Variants in KLHL15 observed in about 807,000 individuals in gnomAD.
KLHL15 encodes kelch-like protein 15.
Under a neutral mutation model 29.3 loss-of-function variants are expected in KLHL15, and 1 was observed. The observed-to-expected ratio is 0.03, with a 90% CI of 0.01 to 0.16. The LOEUF is 0.16. Ranked by LOEUF, KLHL15 falls within the 10% of genes least tolerant of loss-of-function variation. KLHL15 has a pLI of 1.00. For missense variants in KLHL15, 215 were observed against 478.5 expected (o/e 0.45, Z 5.14); for synonymous variants, 212 against 184.5 (o/e 1.15, Z -1.21).
chrX:23,988,219 G>A lies in KLHL15; in HGVS notation c.1517C>T (p.Ser506Phe), dbSNP rs1354803960. The change falls in exon 4 of 4, where the codon TCT becomes TTT. Residue 506 changes from serine (S) to phenylalanine (F), a missense_variant. Coordinates refer to ENST00000328046, the MANE Select transcript of KLHL15 (RefSeq NM_030624.3). ...VCVILRASFE[S>F]QGCPSTEVYN... ...TACTTCTGTAGAAGGGCATCCCTGA[G>A]ATTCGAAAGAGGCCCTCAAGATCAC... 8.3e-7 allele frequency: 1 copy of A among 1,211,606 alleles called. No individual in the cohort carries two copies.
chrX:24,007,505 AAAAATAT>A lies in KLHL15; in HGVS notation c.-7-812_-7-806del, dbSNP rs1383822038. On this transcript the variant is annotated intron_variant, in intron 2 of 3. Transcript: ENST00000328046. ...GACCCCATTTCCAAAAAAAAAAAAAAAAAATATATATATATATATATATATATATATC... is the reference window on the plus strand; with the variant it reads ...GACCCCATTTCCAAAAAAAAAAAAAAATATATATATATATATATATATATC... Among the ~76,000 whole-genome samples the A allele has an allele frequency of 6.9e-4, 39 of 56,455 alleles. No homozygotes were observed. The East Asian group carries it at 7.6e-3, about 11-fold the overall frequency. 49.0% of individuals were successfully genotyped at this position (56,455 alleles called of 115,157 possible). A position where few individuals can be genotyped will look rare whatever the true frequency, so the allele number is the denominator to read the frequency against.
At chrX:24,011,721 T>C (rs1187336397) in intron 2 of KLHL15, among the ~76,000 whole-genome samples, 2 of 111,838 alleles carry the variant, frequency 1.8e-5, no homozygotes, top group Non-Finnish European at 3.8e-5. Context: ...GAGAATCACC[T>C]GAGCCCAGGA....
At chrX:24,000,107 G>C (rs1929283229) in intron 3 of KLHL15, among the ~76,000 whole-genome samples, 1 of 112,023 alleles carries the variant, frequency 8.9e-6, no homozygotes, top group Non-Finnish European at 1.9e-5. Flanking sequence ...ATCTGAAGGA[G>C]ATTTAGAACT....
At chrX:23,991,229 T>C (rs1929076616) in intron 3 of KLHL15, among the ~76,000 whole-genome samples, 1 of 108,331 alleles carries the variant, frequency 9.2e-6, no homozygotes, top group South Asian at 4.1e-4. Context: ...GGCAGGTACA[T>C]GTAACTCCAG....
At chrX:24,001,801 TCAA>T (rs1929323551) in intron 3 of KLHL15, among the ~76,000 whole-genome samples, 1 of 13,931 alleles carries the variant, frequency 7.2e-5, no homozygotes, top group Admixed American at 1.1e-3. Context: ...GAGACTTGAC[TCAA>T]AAAAAAAAAA....
intron 3 of KLHL15, among the ~76,000 whole-genome samples, chrX:23,991,025 G>A (rs1929072445): frequency 9.1e-6 from 1 of 110,255 alleles, no homozygotes; most frequent in South Asian, 3.9e-4. Context: ...GCACAAAAAA[G>A]GCTGAGAACC....
At chrX:24,002,320 C>G (rs1602005597) in intron 3 of KLHL15, among the ~76,000 whole-genome samples, 1 of 111,463 alleles carries the variant, frequency 9.0e-6, no homozygotes, top group African/African-American at 3.3e-5. Context: ...AATGTCAGGC[C>G]TTATCTGTTA....
intron 2 of KLHL15, among the ~76,000 whole-genome samples, chrX:24,018,700 T>C (rs184138634): frequency 2.2e-4 from 25 of 111,731 alleles, no homozygotes; most frequent in African/African-American, 7.5e-4. Flanking sequence ...ATCCAAATAA[T>C]TTTTTTAAAG....
At chrX:23,998,208 G>A (rs922736230) in intron 3 of KLHL15, among the ~76,000 whole-genome samples, 2 of 111,114 alleles carry the variant, frequency 1.8e-5, no homozygotes, top group Non-Finnish European at 3.8e-5. Context: ...TGATCCGCCC[G>A]CCTTGGCTTC....
At chrX:24,017,077 T>A (rs1172733401) in intron 2 of KLHL15, among the ~76,000 whole-genome samples, 1 of 109,696 alleles carries the variant, frequency 9.1e-6, no homozygotes. Flanking sequence ...CTGGGCGTGG[T>A]AGTGTGTGCC....
In KLHL15 at chrX:23,984,316, T is replaced by C. The variant is rs975043260; in HGVS notation, c.*3605A>G. On this transcript the variant is annotated 3_prime_UTR_variant, in exon 4 of 4. Coordinates refer to ENST00000328046, the MANE Select transcript of KLHL15 (RefSeq NM_030624.3). ...TATAAACTCTGGATAAACTAATTTT[T>C]AGGACTTCCATTTTTAAGATAAATC... is the stretch of plus-strand genomic sequence containing the variant. 2.0e-4 allele frequency: 23 copies of C among 112,210 alleles called. No homozygotes were observed. Among genetic ancestry groups the C allele is most frequent in the Non-Finnish European group, 3.8e-4 (20 of 53,197 alleles). The allele number at this position is 112,210 out of a possible 1,213,427, so 9.2% of individuals were successfully genotyped here.
In KLHL15 at chrX:24,004,921, A is replaced by G. The variant is rs189898376; in HGVS notation, c.705+1068T>C. On this transcript the variant is annotated intron_variant, in intron 3 of 3. Transcript: ENST00000328046. The stretch of plus-strand genomic sequence containing the variant: ...TCTCAGTTTCACAGCATTTTGGAGG[A>G]AAAAAAAATATGTCAGGCTGCTGTT... 3.9e-3 allele frequency among the ~76,000 whole-genome samples: 434 copies of G among 110,295 alleles called. 1 individual carries two copies. The highest frequency in any genetic ancestry group is 0.012 in the African/African-American group (379 of 30,568).
At chrX:24,022,422 C>G (rs1323059324) in intron 2 of KLHL15, among the ~76,000 whole-genome samples, 5 of 102,996 alleles carry the variant, frequency 4.9e-5, no homozygotes. Flanking sequence ...TCACTTGAGT[C>G]CAGGAGTTCG....
chrX:24,006,235 C>T lies in KLHL15; in HGVS notation c.459G>A (p.Lys153=). 2 of 1,211,649 alleles carry T rather than the reference C, an allele frequency of 1.7e-6. No homozygotes were observed. The highest frequency in any genetic ancestry group is 2.2e-6 in the Non-Finnish European group (2 of 895,432). The change falls in exon 3 of 4, where the codon AAG becomes AAA. Residue 153 remains lysine (K), a synonymous_variant. Coordinates refer to ENST00000328046, the MANE Select transcript of KLHL15 (RefSeq NM_030624.3). Reference sequence around the variant, plus strand: ...AGTTGTCTAGCAGAAAGGTGTCTAACTTCTCCCTGACTCCCTCGATGTTTA... The same window carrying T: ...AGTTGTCTAGCAGAAAGGTGTCTAATTTCTCCCTGACTCCCTCGATGTTTA... ...FGVNIEGVRE[K]LDTFLLDNFV...
chrX:24,010,125 C>T (rs1011335413), intron 2 of KLHL15, among the ~76,000 whole-genome samples: 28 of 111,340 alleles, frequency 2.5e-4, no homozygotes, highest in Admixed American at 7.7e-4. Context: ...AACCTCCCCA[C>T]TTATTCCATT....
intron 2 of KLHL15, among the ~76,000 whole-genome samples, chrX:24,023,911 T>G (rs1434582847): frequency 8.9e-6 from 1 of 112,644 alleles, no homozygotes; most frequent in African/African-American, 3.2e-5. Context: ...AGTAGAAGTA[T>G]TCAAGCATCC....
rs1253309025 is a variant in KLHL15, at chrX:23,985,991, C to T, written c.*1930G>A. 1.8e-5 allele frequency: 2 copies of T among 110,885 alleles called. No homozygotes were observed. Among genetic ancestry groups the T allele is most frequent in the Non-Finnish European group, 3.8e-5 (2 of 52,822 alleles). The allele number at this position is 110,885 out of a possible 1,213,427, so 9.1% of individuals were successfully genotyped here. On this transcript the variant is annotated 3_prime_UTR_variant, in exon 4 of 4. Coordinates refer to ENST00000328046, the MANE Select transcript of KLHL15 (RefSeq NM_030624.3). ...CATATTACCATGGGAAACAAGATAC[C>T]AAATTTCATGTTTGGAAACTGTAAG...
intron 1 of KLHL15, among the ~76,000 whole-genome samples, 174 bp from the exon 2 acceptor site, chrX:24,025,232 C>T (rs1408008148): frequency 9.0e-6 from 1 of 111,377 alleles, no homozygotes; most frequent in Non-Finnish European, 1.9e-5. Flanking sequence ...TGGGGGGCAG[C>T]AGGCAGAGAC....
At chrX:23,990,175 T>A (rs1929052788) in intron 3 of KLHL15, among the ~76,000 whole-genome samples, 1 of 111,352 alleles carries the variant, frequency 9.0e-6, no homozygotes, top group Admixed American at 9.6e-5. Context: ...CACTTTTAAG[T>A]ATTGTCCTAA....
Sources: gnomAD v4.1 joint callset for allele counts (sites outside exome capture counted in the v4.1 genomes callset) on GRCh38, gnomAD v4.1.1 for gene constraint, MANE v1.5 for transcripts, NCBI Gene and HGNC (gene_info 2026-07-23, HGNC 2026-07-21) for gene names.